CFH: variants seen among roughly 807,000 people sequenced by gnomAD.
The protein encoded by CFH is complement factor H, also known as H factor 1 (complement).
CFH carries 53 observed loss-of-function variants against 147.3 expected under a neutral mutation model. The observed-to-expected ratio is 0.36, with a 90% confidence interval of 0.29 to 0.45. CFH has a LOEUF of 0.45. Among genes scored for constraint, CFH ranks in the 20% least tolerant of loss-of-function variants. The probability of loss-of-function intolerance (pLI) is 1.00; values close to 1 mark genes in which losing one functional copy is unlikely to be tolerated. For synonymous variants in CFH, 536 were observed against 489.4 expected, an observed-to-expected ratio of 1.10 and a Z score of -1.26; for missense variants, 1,380 against 1,498.0, an observed-to-expected ratio of 0.92 and a Z score of 1.30.
intron 11 of CFH, among the ~76,000 whole-genome samples, chr1:196,719,914 G>A (rs1277402647): frequency 6.6e-6 from 1 of 151,328 alleles, no homozygotes; most frequent in Non-Finnish European, 1.5e-5. Flanking sequence ...TATTAATTAT[G>A]TGTTTTTTAT....
intron 10 of CFH, among the ~76,000 whole-genome samples, chr1:196,714,515 C>T (rs1011015263): frequency 3.3e-5 from 5 of 149,736 alleles, no homozygotes; most frequent in African/African-American, 1.2e-4. Flanking sequence ...GATTTCCCTA[C>T]CACACTATCT....
chr1:196,736,413 T>G (rs1669402116), intron 15 of CFH, among the ~76,000 whole-genome samples: 1 of 152,142 alleles, frequency 6.6e-6, no homozygotes, highest in Admixed American at 6.5e-5. Flanking sequence ...TGTGAGTGTT[T>G]TAATCCAATC....
In CFH at chr1:196,652,124, C is replaced by T. The variant is rs139254423; in HGVS notation, c.7C>T (p.Leu3Phe). MR[L>F]LAKIICLMLW... Reference sequence around the variant, plus strand: ...CTCTTAAAAGATCCAAAAAATGAGACTTCTAGCAAAGATTATTTGCCTTAT... The same window carrying T: ...CTCTTAAAAGATCCAAAAAATGAGATTTCTAGCAAAGATTATTTGCCTTAT... Residue 3 changes from leucine (L) to phenylalanine (F), a missense_variant, in exon 1 of 22, where the codon CTT (leucine) becomes TTT (phenylalanine). Physicochemically the swap from Leu to Phe is conservative, Grantham distance 22. Around this residue, in one of 4 missense-constraint regions of CFH, gnomAD observed 260 missense variants for 263.3 expected, o/e 0.99. Coordinates refer to ENST00000367429, the MANE Select transcript of CFH (RefSeq NM_000186.4). 4.3e-6 allele frequency: 7 copies of T among 1,610,356 alleles called. No individual in the cohort carries two copies. The African/African-American group carries it at 8.0e-5, about 18-fold the overall frequency.
At chr1:196,731,217 T>C (rs1282382920) in intron 15 of CFH, among the ~76,000 whole-genome samples, 2 of 151,862 alleles carry the variant, frequency 1.3e-5, no homozygotes, top group Admixed American at 6.6e-5. Flanking sequence ...TTTTTTCTTT[T>C]AATCTTTTGT....
At chr1:196,698,677 A>G (rs1037914338) in intron 9 of CFH, among the ~76,000 whole-genome samples, 1 of 152,184 alleles carries the variant, frequency 6.6e-6, no homozygotes, top group Non-Finnish European at 1.5e-5. Flanking sequence ...TCCTTTGGAA[A>G]CTATTTCAAA....
intron 9 of CFH, among the ~76,000 whole-genome samples, chr1:196,713,216 G>C (rs7535263): frequency 2.6e-5 from 4 of 151,896 alleles, no homozygotes; most frequent in African/African-American, 7.2e-5. Flanking sequence ...ACTGTTCCTC[G>C]TCTTCTTTGA....
At position 196,737,540 on chromosome 1, in the gene CFH, C is replaced by A. The variant is rs1444903784; in HGVS notation, c.2662C>A (p.Gln888Lys). ...HGTINSSRSSQESYAHGTKLS... is the reference protein window; with the variant it reads ...HGTINSSRSSKESYAHGTKLS... ...AACCATTAATTCATCCAGGTCTTCACAAGAAAGTTATGCACATGGGACTAA... is the reference window on the plus strand; with the variant it reads ...AACCATTAATTCATCCAGGTCTTCAAAAGAAAGTTATGCACATGGGACTAA... Residue 888 changes from glutamine (Q) to lysine (K), a missense_variant, in exon 17 of 22, where the codon CAA becomes AAA. Around this residue, in one of 4 missense-constraint regions of CFH, gnomAD observed 830 missense variants for 821.4 expected, o/e 1.01. Coordinates refer to ENST00000367429, the MANE Select transcript of CFH (RefSeq NM_000186.4). The A allele has an allele frequency of 6.2e-7, 1 of 1,613,362 alleles. No individual in the cohort carries two copies. The highest frequency in any genetic ancestry group is 8.5e-7 in the Non-Finnish European group (1 of 1,179,562).
intron 3 of CFH, among the ~76,000 whole-genome samples, chr1:196,674,561 T>C (rs896898791): frequency 1.3e-5 from 2 of 151,490 alleles, no homozygotes; most frequent in African/African-American, 4.8e-5. Flanking sequence ...TCCCCCTTAT[T>C]CTCTGCTAGA....
At chr1:196,711,700 G>A (rs547627940) in intron 9 of CFH, among the ~76,000 whole-genome samples, 70 of 152,046 alleles carry the variant, frequency 4.6e-4, no homozygotes, top group African/African-American at 1.6e-3. Flanking sequence ...TCTCTACTAC[G>A]TGACCTAGAT....
intron 11 of CFH, among the ~76,000 whole-genome samples, chr1:196,717,015 A>T (rs1668886118): frequency 6.6e-6 from 1 of 152,104 alleles, no homozygotes; most frequent in Non-Finnish European, 1.5e-5. Flanking sequence ...TGAAGCCCTG[A>T]AACATTACCA....
chr1:196,729,826 G>T lies in CFH; in HGVS notation c.2413+1304G>T, dbSNP rs539361722. Among the ~76,000 whole-genome samples the T allele has an allele frequency of 7.2e-5, 11 of 151,934 alleles. No individual in the cohort carries two copies. The East Asian group carries it at 2.1e-3, about 29-fold the overall frequency. ...CTGAATTAATCGTCGTAGGCTGTGT[G>T]TCTAGAAATTTATCCATTTCTTCTA... On this transcript the variant is annotated intron_variant, in intron 15 of 21. Transcript: ENST00000367429.
rs761350530 is a variant in CFH, at chr1:196,715,684, TG to T, written c.1612del (p.Asp538MetfsTer14). Reference protein sequence around the residue: ...LNDTLDYECHDGYESNTGSTT... With the variant: ...LNDTLDYECHXGYESNTGSTT... ...ATGACACATTGGACTATGAATGCCA[TG>T]ATGGTTATGAAAGCAATACTGGAAG... On this transcript the variant is annotated frameshift_variant, in exon 11 of 22. Coordinates refer to ENST00000367429, the MANE Select transcript of CFH (RefSeq NM_000186.4). LOFTEE classifies it high-confidence loss of function. 6.2e-7 allele frequency: 1 copy of T among 1,612,886 alleles called. No homozygotes were observed.
chr1:196,744,357 C>G (rs1285309289), intron 20 of CFH, among the ~76,000 whole-genome samples: 1 of 151,946 alleles, frequency 6.6e-6, no homozygotes, highest in African/African-American at 2.4e-5. Context: ...AAATCTCTGT[C>G]GTTTATTTGT....
chr1:196,724,205 G>A (rs1323359529), intron 11 of CFH, among the ~76,000 whole-genome samples: 2 of 151,772 alleles, frequency 1.3e-5, no homozygotes, highest in African/African-American at 4.8e-5. Context: ...TAACTCCTTT[G>A]GGTCCAGCCA....
intron 7 of CFH, among the ~76,000 whole-genome samples, chr1:196,688,588 G>T (rs575406207): frequency 2.6e-5 from 4 of 152,070 alleles, no homozygotes; most frequent in African/African-American, 9.6e-5. Context: ...GCAATAAATA[G>T]GAAAGAGCCT....
intron 1 of CFH, among the ~76,000 whole-genome samples, chr1:196,656,691 T>TTTTG (rs1558147998): frequency 6.6e-6 from 1 of 151,740 alleles, no homozygotes; most frequent in African/African-American, 2.4e-5. Context: ...GTTGCGTTTT[T>TTTTG]TTTTTTTTTT....
intron 9 of CFH, chr1:196,700,880 G>A (rs1668431420): frequency 1.0e-6 from 1 of 984,908 alleles, no homozygotes; most frequent in African/African-American, 1.7e-5. Context: ...ACCATTTCTG[G>A]TCTCAGAAGA....
At chr1:196,739,727 C>T (rs34932940) in intron 17 of CFH, among the ~76,000 whole-genome samples, 2,190 of 152,230 alleles carry the variant, frequency 0.014, 56 homozygotes, top group African/African-American at 0.049. Context: ...TCTTCTGACC[C>T]CTCCAAATGG....
intron 13 of CFH, 21 bp from the exon 14 acceptor site, chr1:196,726,740 T>C (rs751637765): frequency 6.2e-7 from 1 of 1,613,504 alleles, no homozygotes; most frequent in East Asian, 2.2e-5. Context: ...ACAATAAACT[T>C]TTTTTGTAAA....
Sources: allele counts gnomAD v4.1 joint callset (sites outside exome capture counted in the v4.1 genomes callset), GRCh38; gene constraint gnomAD v4.1.1; regional missense constraint gnomAD v4.1.1; transcripts MANE v1.5; gene names NCBI Gene and HGNC (gene_info 2026-07-23, HGNC 2026-07-21).